Variants in SGMS1 observed in about 807,000 individuals in gnomAD.
SGMS1 encodes sphingomyelin synthase 1.
A neutral mutation model predicts 46.2 loss-of-function variants in SGMS1; 13 were observed. That is an observed-to-expected ratio of 0.28 (90% CI 0.18 to 0.45). The LOEUF is 0.45. Among genes scored for constraint, SGMS1 ranks in the 20% least tolerant of loss-of-function variants. SGMS1 has a pLI of 1.00. For missense variants in SGMS1, 324 were observed against 519.9 expected (o/e 0.62, Z 3.66); for synonymous variants, 203 against 187.8 (o/e 1.08, Z -0.66).
At chr10:50,623,125 A>AG (rs370481641) in intron 1 of SGMS1, among the ~76,000 whole-genome samples, 1,818 of 149,702 alleles carry the variant, frequency 0.012, 21 homozygotes, top group African/African-American at 0.03. Context: ...CTCCTCGGGG[A>AG]GGGGGGGTCC....
intron 3 of SGMS1, among the ~76,000 whole-genome samples, chr10:50,515,430 C>G (rs1193789557): frequency 6.6e-6 from 1 of 152,210 alleles, no homozygotes; most frequent in Non-Finnish European, 1.5e-5. Flanking sequence ...TCATGCTAAT[C>G]ATGCAACTCA....
chr10:50,445,646 C>T (rs552955833), intron 5 of SGMS1, among the ~76,000 whole-genome samples: 6 of 152,206 alleles, frequency 3.9e-5, no homozygotes, highest in South Asian at 4.2e-4. Context: ...CTCTTAATCC[C>T]GTCATCTTCG....
At chr10:50,430,616 A>G (rs1207225517) in intron 6 of SGMS1, among the ~76,000 whole-genome samples, 1 of 152,180 alleles carries the variant, frequency 6.6e-6, no homozygotes, top group Non-Finnish European at 1.5e-5. Context: ...ACTTTAATAA[A>G]AAGGCATTAA....
intron 7 of SGMS1, chr10:50,341,463 G>C (rs775036555): frequency 2.2e-6 from 1 of 455,894 alleles, no homozygotes; most frequent in South Asian, 1.5e-5. Flanking sequence ...AAATCAGAGA[G>C]GACTTAGTTG....
At chr10:50,313,102 G>C (rs1485642933) in intron 8 of SGMS1, among the ~76,000 whole-genome samples, 2 of 152,210 alleles carry the variant, frequency 1.3e-5, no homozygotes, top group Non-Finnish European at 2.9e-5. Context: ...ACATGACTTG[G>C]CCATGAATAG....
chr10:50,544,242 C>T (rs1460570487), intron 2 of SGMS1, among the ~76,000 whole-genome samples: 1 of 152,082 alleles, frequency 6.6e-6, no homozygotes, highest in African/African-American at 2.4e-5. Flanking sequence ...TAGTTATGTC[C>T]CCATTTCACA....
chr10:50,391,910 C>A (rs571846141), intron 6 of SGMS1, among the ~76,000 whole-genome samples: 3 of 149,624 alleles, frequency 2.0e-5, no homozygotes, highest in Admixed American at 2.0e-4. Flanking sequence ...AGGTCATTAT[C>A]GTAAGTGAAG....
intron 1 of SGMS1, among the ~76,000 whole-genome samples, chr10:50,600,410 A>C (rs1475856108): frequency 2.6e-5 from 4 of 152,242 alleles, no homozygotes; most frequent in African/African-American, 9.6e-5. Context: ...CACTCAGGCT[A>C]TTAGTGACAC....
intron 2 of SGMS1, among the ~76,000 whole-genome samples, chr10:50,579,121 T>C (rs1475290745): frequency 2.0e-5 from 3 of 151,934 alleles, no homozygotes; most frequent in Non-Finnish European, 4.4e-5. Context: ...TAGGATTCTA[T>C]ACAATAAAAG....
chr10:50,624,711 G>A, upstream of SGMS1: 2 of 985,440 alleles, frequency 2.0e-6, no homozygotes, highest in African/African-American at 1.7e-5. Context: ...GTCGCCTGAA[G>A]GAAGGTTTTC....
intron 2 of SGMS1, among the ~76,000 whole-genome samples, chr10:50,538,115 G>T (rs1838019760): frequency 7.3e-6 from 1 of 136,076 alleles, no homozygotes; most frequent in South Asian, 2.3e-4. Flanking sequence ...GAAATACAGA[G>T]ATTAAACAAA....
intron 3 of SGMS1, among the ~76,000 whole-genome samples, chr10:50,468,068 C>G (rs1485337633): frequency 1.3e-5 from 2 of 152,034 alleles, no homozygotes; most frequent in Non-Finnish European, 2.9e-5. Context: ...ACAGAAATAC[C>G]TATAAAGATA....
chr10:50,561,038 T>C (rs1410178483), intron 2 of SGMS1, among the ~76,000 whole-genome samples: 3 of 152,194 alleles, frequency 2.0e-5, no homozygotes, highest in East Asian at 1.9e-4. Context: ...AGTGCTTATA[T>C]TGGCAGATAT....
intron 5 of SGMS1, among the ~76,000 whole-genome samples, chr10:50,453,690 A>G (rs189796929): frequency 5.5e-4 from 83 of 150,164 alleles, no homozygotes; most frequent in African/African-American, 1.7e-3. Context: ...ATAACGATAA[A>G]ATATTCCTAA....
At chr10:50,558,102 C>T (rs920686326) in intron 2 of SGMS1, among the ~76,000 whole-genome samples, 2 of 152,176 alleles carry the variant, frequency 1.3e-5, no homozygotes, top group African/African-American at 4.8e-5. Context: ...AGCTAATTGT[C>T]ACACTGCAAC....
intron 6 of SGMS1, among the ~76,000 whole-genome samples, chr10:50,400,337 C>T (rs1460004658): frequency 3.1e-5 from 4 of 127,956 alleles, no homozygotes; most frequent in African/African-American, 1.1e-4. Flanking sequence ...ATAGCACCTA[C>T]ACCATAGCTT....
At chr10:50,398,128 T>A (rs1848873413) in intron 6 of SGMS1, among the ~76,000 whole-genome samples, 2 of 152,208 alleles carry the variant, frequency 1.3e-5, no homozygotes, top group South Asian at 4.1e-4. Context: ...CAGACAAGTT[T>A]GGTGGTTATT....
intron 6 of SGMS1, among the ~76,000 whole-genome samples, chr10:50,387,715 T>C (rs1848701753): frequency 6.6e-6 from 1 of 152,172 alleles, no homozygotes; most frequent in African/African-American, 2.4e-5. Flanking sequence ...CTAAATTAAA[T>C]TTAACAGAGG....
At chr10:50,531,024 T>G (rs542487217) in intron 2 of SGMS1, among the ~76,000 whole-genome samples, 1 of 152,278 alleles carries the variant, frequency 6.6e-6, no homozygotes, top group African/African-American at 2.4e-5. Context: ...ACACAGGACC[T>G]TCTAGGAAAA....
Sources: gnomAD v4.1 joint callset for allele counts (sites outside exome capture counted in the v4.1 genomes callset) on GRCh38, gnomAD v4.1.1 for gene constraint, MANE v1.5 for transcripts, NCBI Gene and HGNC (gene_info 2026-07-23, HGNC 2026-07-21) for gene names.